Variants in FANK1 observed in about 807,000 individuals in gnomAD.
FANK1 encodes fibronectin type 3 and ankyrin repeat domains protein 1.
FANK1 carries 44 observed loss-of-function variants against 45.3 expected under a neutral mutation model. The ratio of observed to expected loss-of-function variants is 0.97; its 90% CI spans 0.76 to 1.25. FANK1 has a LOEUF of 1.25. Among genes scored for constraint, FANK1 ranks in the 50% most tolerant of loss-of-function variants. The pLI, the probability that FANK1 is intolerant of heterozygous loss-of-function variation, is 0.00. For missense variants in FANK1, 391 were observed against 424.4 expected, an observed-to-expected ratio of 0.92 and a Z score of 0.69; for synonymous variants, 149 against 152.5, an observed-to-expected ratio of 0.98 and a Z score of 0.17.
chr10:125,897,914 T>C (rs1944687836), intron 1 of FANK1, among the ~76,000 whole-genome samples: 1 of 144,312 alleles, frequency 6.9e-6, no homozygotes. Context: ...CCCAGCACTT[T>C]GGGAGGCTGA....
chr10:125,914,292 T>TATATATATATATATATATATATATA (rs58995936), intron 1 of FANK1, among the ~76,000 whole-genome samples: 15 of 150,708 alleles, frequency 1.0e-4, no homozygotes, highest in African/African-American at 3.2e-4. Flanking sequence ...TATATATATA[T>TATATATATATATATATATATATATA]TTAAAAAGTC....
chr10:126,004,771 T>G, intron 6 of FANK1, 113 bp from the exon 7 acceptor site: 1 of 1,052,720 alleles, frequency 9.5e-7, no homozygotes, highest in Non-Finnish European at 1.4e-6. Flanking sequence ...ACAGTTCCCA[T>G]GGCTTTTCCA....
Position 126,009,121 on chromosome 10 carries a change from T to TA in FANK1, c.923dup (p.Asn308LysfsTer2). On this transcript the variant is annotated frameshift_variant, in exon 9 of 11. Transcript: ENST00000368693. LOFTEE classifies it high-confidence loss of function. ...CTTGACAAAGGGGCAGATGCAAGTG[T>TA]AAAAAATGAGGTAAATGAGTCCATC... 1.9e-6 allele frequency: 3 copies of TA among 1,614,176 alleles called. No homozygotes were observed. Among genetic ancestry groups the TA allele is most frequent in the Non-Finnish European group, 2.5e-6 (3 of 1,180,026 alleles).
intron 2 of FANK1, among the ~76,000 whole-genome samples, chr10:125,981,418 G>C (rs1388224983): frequency 6.6e-6 from 1 of 150,508 alleles, no homozygotes; most frequent in African/African-American, 2.5e-5. Context: ...GATCACTTGA[G>C]CCTGGGAGGT....
intron 1 of FANK1, among the ~76,000 whole-genome samples, chr10:125,908,370 C>T (rs1303290375): frequency 1.3e-4 from 20 of 151,928 alleles, no homozygotes; most frequent in African/African-American, 4.4e-4. Context: ...CATCAGTGAA[C>T]GAATGGATAA....
At chr10:125,969,075 A>G (rs899662554) in intron 1 of FANK1, among the ~76,000 whole-genome samples, 13 of 152,294 alleles carry the variant, frequency 8.5e-5, no homozygotes, top group African/African-American at 2.9e-4. Context: ...CTTTTGAGGT[A>G]CTTCTTGTAG....
intron 1 of FANK1, among the ~76,000 whole-genome samples, chr10:125,975,657 CTT>C (rs1365114229): frequency 6.6e-6 from 1 of 152,126 alleles, no homozygotes; most frequent in African/African-American, 2.4e-5. Flanking sequence ...TTATTTTTCT[CTT>C]GTAAATGTGT....
chr10:125,942,448 C>T (rs1479296003), intron 1 of FANK1, among the ~76,000 whole-genome samples: 1 of 152,130 alleles, frequency 6.6e-6, no homozygotes, highest in Non-Finnish European at 1.5e-5. Flanking sequence ...CATTTTATAA[C>T]AATTTTAGAG....
At chr10:125,922,206 C>T (rs1241517995) in intron 1 of FANK1, among the ~76,000 whole-genome samples, 1 of 152,178 alleles carries the variant, frequency 6.6e-6, no homozygotes, top group African/African-American at 2.4e-5. Flanking sequence ...CATTTAACTT[C>T]TCATATTTGG....
chr10:125,964,060 C>T (rs920424150), intron 1 of FANK1, among the ~76,000 whole-genome samples: 2 of 152,160 alleles, frequency 1.3e-5, no homozygotes, highest in South Asian at 4.2e-4. Flanking sequence ...ACTCACATGC[C>T]ACCACTTAGC....
At chr10:125,964,186 C>CTTTTTTTTTTTTTT (rs71486557) in intron 1 of FANK1, among the ~76,000 whole-genome samples, 1 of 78,392 alleles carries the variant, frequency 1.3e-5, no homozygotes, top group Non-Finnish European at 2.2e-5. Flanking sequence ...TTCTCTCTCT[C>CTTTTTTTTTTTTTT]TTTTTTTTTT....
intron 1 of FANK1, among the ~76,000 whole-genome samples, chr10:125,951,380 T>G (rs1949218039): frequency 6.6e-6 from 1 of 152,160 alleles, no homozygotes. Context: ...CTTGATTCTC[T>G]GTAAATAGGA....
intron 1 of FANK1, among the ~76,000 whole-genome samples, chr10:125,955,618 C>A (rs1384473965): frequency 4.6e-5 from 7 of 152,092 alleles, no homozygotes; most frequent in African/African-American, 1.7e-4. Context: ...GTAGCTGGGA[C>A]TACAGGTGTA....
At chr10:125,934,654 C>T (rs1564888050) in intron 1 of FANK1, among the ~76,000 whole-genome samples, 1 of 142,488 alleles carries the variant, frequency 7.0e-6, no homozygotes, top group East Asian at 2.1e-4. Flanking sequence ...GCATTGTGTA[C>T]TGAGCTCTGT....
At chr10:125,942,365 C>T (rs764719960) in intron 1 of FANK1, among the ~76,000 whole-genome samples, 13 of 152,144 alleles carry the variant, frequency 8.5e-5, no homozygotes, top group Non-Finnish European at 1.5e-4. Flanking sequence ...ACGTCCTGCA[C>T]GTATATTCCA....
intron 1 of FANK1, among the ~76,000 whole-genome samples, chr10:125,946,631 A>T (rs1948821807): frequency 6.6e-6 from 1 of 150,836 alleles, no homozygotes; most frequent in South Asian, 2.1e-4. Context: ...TCTACGTCTG[A>T]TTGGTGTACC....
At chr10:126,002,138 C>G (rs868118888) in intron 6 of FANK1, among the ~76,000 whole-genome samples, 2 of 151,720 alleles carry the variant, frequency 1.3e-5, no homozygotes, top group Non-Finnish European at 2.9e-5. Context: ...TGGTGAAACC[C>G]TGTCTCTACT....
intron 1 of FANK1, among the ~76,000 whole-genome samples, chr10:125,951,731 A>G (rs1949247276): frequency 6.6e-6 from 1 of 152,256 alleles, no homozygotes; most frequent in Admixed American, 6.5e-5. Context: ...GCTCCTGCCA[A>G]TCTTCATTCT....
chr10:125,944,651 G>A (rs1034537505), intron 1 of FANK1, among the ~76,000 whole-genome samples: 7 of 152,210 alleles, frequency 4.6e-5, no homozygotes, highest in African/African-American at 1.7e-4. Flanking sequence ...GGCCTGCCCA[G>A]GGTGGAAAAC....
Sources: gnomAD v4.1 joint callset for allele counts (sites outside exome capture counted in the v4.1 genomes callset) on GRCh38, gnomAD v4.1.1 for gene constraint, MANE v1.5 for transcripts, NCBI Gene and HGNC (gene_info 2026-07-23, HGNC 2026-07-21) for gene names.